DTNA: variants seen among roughly 807,000 people sequenced by gnomAD.
DTNA encodes dystrobrevin alpha.
In DTNA, 43 loss-of-function variants were observed where a neutral mutation model predicts 100.7. The ratio of observed to expected loss-of-function variants is 0.43; its 90% CI spans 0.33 to 0.55. DTNA has a LOEUF of 0.55. Among genes scored for constraint, DTNA ranks in the 20% least tolerant of loss-of-function variants. The pLI is 0.04. For synonymous variants in DTNA, 349 were observed against 347.9 expected, an observed-to-expected ratio of 1.00 and a Z score of -0.04; for missense variants, 798 against 953.9, an observed-to-expected ratio of 0.84 and a Z score of 2.15.
At chr18:34,559,877 G>T (rs1323435087) in intron 1 of DTNA, among the ~76,000 whole-genome samples, 2 of 152,162 alleles carry the variant, frequency 1.3e-5, no homozygotes, top group Non-Finnish European at 2.9e-5. Flanking sequence ...CACAAAATAT[G>T]TATAGGAAAA....
chr18:34,657,386 T>G (rs1156893851), intron 1 of DTNA, among the ~76,000 whole-genome samples: 1 of 152,176 alleles, frequency 6.6e-6, no homozygotes, highest in Non-Finnish European at 1.5e-5. Flanking sequence ...TAAAAAAACT[T>G]GTCAAAAAAC....
rs188145483 is a variant in DTNA, at chr18:34,859,035, A to T, written c.1646+637A>T. Among the ~76,000 whole-genome samples the T allele has an allele frequency of 7.9e-5, 12 of 152,362 alleles. No individual in the cohort carries two copies. In the East Asian group the frequency reaches 2.3e-3, roughly 29 times the overall value. ...AAATTTAAAAATTTACCCCTAACTC[A>T]TAAAAGGAGTCTGATTTTCTCTAAG... On this transcript the variant is annotated intron_variant, in intron 16 of 22. Transcript: ENST00000444659.
At chr18:34,783,132 TTC>T (rs2094395197) in intron 3 of DTNA, among the ~76,000 whole-genome samples, 1 of 152,248 alleles carries the variant, frequency 6.6e-6, no homozygotes, top group African/African-American at 2.4e-5. Flanking sequence ...TTCATTTACC[TTC>T]TCTTATTATT....
At chr18:34,607,627 G>A (rs755226071) in intron 1 of DTNA, among the ~76,000 whole-genome samples, 6 of 152,146 alleles carry the variant, frequency 3.9e-5, no homozygotes, top group Non-Finnish European at 7.4e-5. Flanking sequence ...CATACTAGGA[G>A]ACATGGGAGA....
At chr18:34,677,271 G>A (rs181044679) in intron 1 of DTNA, among the ~76,000 whole-genome samples, 1 of 152,092 alleles carries the variant, frequency 6.6e-6, no homozygotes, top group African/African-American at 2.4e-5. Context: ...ACCACCCATG[G>A]GGTTCTTTAA....
intron 1 of DTNA, among the ~76,000 whole-genome samples, chr18:34,614,173 C>A (rs540887573): frequency 2.4e-4 from 36 of 152,240 alleles, no homozygotes; most frequent in African/African-American, 8.7e-4. Flanking sequence ...AGCATGGTTT[C>A]CTGAATTTTT....
chr18:34,840,222 C>T (rs957392907), intron 13 of DTNA, among the ~76,000 whole-genome samples: 4 of 152,114 alleles, frequency 2.6e-5, no homozygotes, highest in Non-Finnish European at 4.4e-5. Context: ...CTTTGGCTGA[C>T]GTAAATCCAT....
At chr18:34,864,261 T>TTA in intron 17 of DTNA, among the ~76,000 whole-genome samples, 199 bp downstream of exon 17, 1 of 150,036 alleles carries the variant, frequency 6.7e-6, no homozygotes, top group African/African-American at 2.5e-5. Context: ...TTTTTTTTTT[T>TTA]TTTTTTTGAG....
At chr18:34,875,174 G>A in intron 17 of DTNA, 65 bp from the exon 18 acceptor site, 3 of 1,589,864 alleles carry the variant, frequency 1.9e-6, no homozygotes, top group Non-Finnish European at 2.6e-6. Context: ...ATCAACTGAG[G>A]CATTGGGGAT....
At position 34,838,128 on chromosome 18, in the gene DTNA, A is replaced by G. The variant is rs772450446; in HGVS notation, c.1210A>G (p.Lys404Glu). The G allele has an allele frequency of 6.2e-7, 1 of 1,613,940 alleles. No homozygotes were observed. The highest frequency in any genetic ancestry group is 8.5e-7 in the Non-Finnish European group (1 of 1,179,856). ...PPKDSEVEQN[K>E]LLARAAPAFL... The stretch of plus-strand genomic sequence containing the variant: ...CAAGGACAGTGAAGTAGAGCAGAAC[A>G]AACTGCTGGCTAGGGCTGCTCCAGC... Residue 404 changes from lysine to glutamate, a missense_variant, in exon 12 of 23, where the codon AAA becomes GAA. Lys to Glu is a moderately conservative substitution (Grantham distance 56). Transcript: ENST00000444659.
rs144133120 is a variant in DTNA, at chr18:34,819,754, TA to T, written c.877-1035del. 1.2e-3 allele frequency among the ~76,000 whole-genome samples: 184 copies of T among 152,174 alleles called. 1 individual carries two copies. Among genetic ancestry groups the T allele is most frequent in the East Asian group, 2.1e-3 (11 of 5,154 alleles). Reference sequence around the variant, plus strand: ...CAAAGAGCTGCTGTTGCTGCTGTCTTAACTGTTCTAAGAATTACATCTCCTA... The same window carrying T: ...CAAAGAGCTGCTGTTGCTGCTGTCTTACTGTTCTAAGAATTACATCTCCTA... On this transcript the variant is annotated intron_variant, in intron 8 of 22. Transcript: ENST00000444659.
intron 1 of DTNA, among the ~76,000 whole-genome samples, chr18:34,621,923 A>G (rs892440572): frequency 3.3e-5 from 5 of 152,196 alleles, no homozygotes; most frequent in Non-Finnish European, 5.9e-5. Context: ...TGTACATAGT[A>G]TACGATTTAT....
chr18:34,568,902 C>T (rs1598636462), intron 1 of DTNA, among the ~76,000 whole-genome samples: 1 of 152,152 alleles, frequency 6.6e-6, no homozygotes, highest in African/African-American at 2.4e-5. Context: ...AGACATGAGC[C>T]GCCACACCTG....
chr18:34,551,849 GT>G (rs2045457623), intron 1 of DTNA, among the ~76,000 whole-genome samples: 1 of 152,140 alleles, frequency 6.6e-6, no homozygotes, highest in African/African-American at 2.4e-5. Flanking sequence ...ATTTACCTCT[GT>G]GACGCATAAG....
chr18:34,732,816 T>A (rs2088621625), intron 1 of DTNA, among the ~76,000 whole-genome samples: 1 of 152,200 alleles, frequency 6.6e-6, no homozygotes, highest in South Asian at 2.1e-4. Flanking sequence ...TGAGTCCTAT[T>A]CAACATTTGC....
intron 2 of DTNA, among the ~76,000 whole-genome samples, chr18:34,760,557 G>A (rs2148354065): frequency 6.6e-6 from 1 of 152,268 alleles, no homozygotes; most frequent in Non-Finnish European, 1.5e-5. Context: ...TTCTGCTAAT[G>A]AAGCAGTCTG....
intron 1 of DTNA, among the ~76,000 whole-genome samples, chr18:34,644,171 C>T (rs1347963740): frequency 6.6e-6 from 1 of 152,088 alleles, no homozygotes; most frequent in Non-Finnish European, 1.5e-5. Flanking sequence ...TTGTCCTATT[C>T]ACCCTCTAGT....
chr18:34,707,023 T>G (rs1271104621), upstream of DTNA, among the ~76,000 whole-genome samples: 1 of 152,230 alleles, frequency 6.6e-6, no homozygotes, highest in Admixed American at 6.5e-5. Flanking sequence ...TTTTTAACTA[T>G]GATGTGAAAA....
chr18:34,501,234 CT>C, intron 1 of DTNA, among the ~76,000 whole-genome samples: 1 of 152,140 alleles, frequency 6.6e-6, no homozygotes, highest in Non-Finnish European at 1.5e-5. Context: ...GATTTTTCTT[CT>C]TTAGCTTCTT....
Sources: allele counts gnomAD v4.1 joint callset (sites outside exome capture counted in the v4.1 genomes callset), GRCh38; gene constraint gnomAD v4.1.1; transcripts MANE v1.5; gene names NCBI Gene and HGNC (gene_info 2026-07-23, HGNC 2026-07-21).